TOP2B: variants seen among roughly 807,000 people sequenced by gnomAD.
TOP2B encodes the protein DNA topoisomerase II beta, also known as DNA topoisomerase 2-beta.
TOP2B carries 51 observed loss-of-function variants against 193.5 expected under a neutral mutation model. The ratio of observed to expected loss-of-function variants is 0.26; its 90% confidence interval spans 0.21 to 0.33. The LOEUF is 0.33. TOP2B is among the 10% of genes least tolerant of loss of function. The pLI, the probability that TOP2B is intolerant of heterozygous loss-of-function variation, is 1.00. For missense variants in TOP2B, 1,378 were observed against 1,909.3 expected (o/e 0.72, Z 5.19); for synonymous variants, 634 against 635.7 (o/e 1.00, Z 0.04).
chr3:25,598,336 C>CA lies in TOP2B; in HGVS notation c.4851_4852insT (p.Asp1618Ter). The CA allele has an allele frequency of 6.2e-7, 1 of 1,607,942 alleles. No individual in the cohort carries two copies. The highest frequency in any genetic ancestry group is 8.5e-7 in the Non-Finnish European group (1 of 1,176,416). On this transcript the variant is annotated frameshift_variant, in exon 36 of 36. Transcript: ENST00000264331. LOFTEE classifies it high-confidence loss of function. ...TTAAACATTGCAAAATCAACATCAT[C>CA]TTCTTCTTCATCAGACTCTGCAAAA...
At chr3:25,656,334 T>C (rs1703745267) in intron 1 of TOP2B, among the ~76,000 whole-genome samples, 1 of 152,142 alleles carries the variant, frequency 6.6e-6, no homozygotes, top group East Asian at 1.9e-4. Context: ...CATGGTGCCA[T>C]AGGCCTGTCG....
intron 10 of TOP2B, among the ~76,000 whole-genome samples, chr3:25,631,211 C>T (rs1250345273): frequency 6.6e-6 from 1 of 152,078 alleles, no homozygotes; most frequent in Non-Finnish European, 1.5e-5. Flanking sequence ...ATGCATTGCT[C>T]TTGTTACAAA....
intron 1 of TOP2B, among the ~76,000 whole-genome samples, chr3:25,663,286 T>C (rs1317686418): frequency 6.6e-6 from 1 of 152,130 alleles, no homozygotes; most frequent in Non-Finnish European, 1.5e-5. Context: ...GAAAGCTCCC[T>C]TGAGGTATTT....
intron 28 of TOP2B, 109 bp downstream of exon 28, chr3:25,612,406 A>G (rs1027299278): frequency 2.2e-5 from 17 of 789,332 alleles, no homozygotes; most frequent in Admixed American, 9.1e-5. Context: ...CCATTGAAAT[A>G]TATTTTGAAT....
At chr3:25,599,637 T>C (rs184495815) in intron 34 of TOP2B, 108 bp from the exon 35 acceptor site, 24 of 1,007,248 alleles carry the variant, frequency 2.4e-5, no homozygotes, top group Admixed American at 2.0e-4. Flanking sequence ...CAGTGGAGCA[T>C]TGCAGTCCTG....
intron 15 of TOP2B, among the ~76,000 whole-genome samples, chr3:25,627,663 C>T (rs1308091895): frequency 6.6e-6 from 1 of 152,124 alleles, no homozygotes; most frequent in Non-Finnish European, 1.5e-5. Flanking sequence ...AACCCAACTT[C>T]TTTAACAAAT....
intron 1 of TOP2B, among the ~76,000 whole-genome samples, chr3:25,662,163 T>G (rs1703935374): frequency 6.6e-6 from 1 of 152,246 alleles, no homozygotes; most frequent in African/African-American, 2.4e-5. Context: ...TTATCTCATT[T>G]CATTCTCAAT....
chr3:25,639,307 G>C (rs942334569), intron 4 of TOP2B, among the ~76,000 whole-genome samples: 1 of 152,040 alleles, frequency 6.6e-6, no homozygotes, highest in South Asian at 2.1e-4. Context: ...TGCTTTCCAC[G>C]TTTGTTTTTG....
At chr3:25,616,485 G>T (rs941227978) in intron 25 of TOP2B, among the ~76,000 whole-genome samples, 1 of 150,166 alleles carries the variant, frequency 6.7e-6, no homozygotes, top group African/African-American at 2.4e-5. Context: ...TACAGTTTAC[G>T]TGTACTTCAG....
chr3:25,635,882 A>AT, intron 7 of TOP2B, 54 bp downstream of exon 7: 1 of 1,483,990 alleles, frequency 6.7e-7, no homozygotes, highest in East Asian at 2.3e-5. Flanking sequence ...AAGACCCAAC[A>AT]ATATTCTCTC....
intron 32 of TOP2B, among the ~76,000 whole-genome samples, chr3:25,605,816 T>A (rs1028024681): frequency 5.3e-5 from 8 of 152,234 alleles, no homozygotes; most frequent in African/African-American, 1.9e-4. Context: ...GATAAGCATT[T>A]GCCTGTCCAC....
At chr3:25,620,866 C>A (rs779741846) in intron 21 of TOP2B, 50 bp from the exon 22 acceptor site, 4 of 1,585,508 alleles carry the variant, frequency 2.5e-6, no homozygotes, top group Non-Finnish European at 2.6e-6. Context: ...AGTACCAGTA[C>A]CATGAGTCTA....
chr3:25,663,415 A>C (rs1703976957), intron 1 of TOP2B, among the ~76,000 whole-genome samples: 1 of 152,206 alleles, frequency 6.6e-6, no homozygotes, highest in South Asian at 2.1e-4. Context: ...CTCTACGCTG[A>C]GCAAGTGAAA....
intron 1 of TOP2B, among the ~76,000 whole-genome samples, chr3:25,650,622 T>C (rs896631714): frequency 3.3e-5 from 5 of 152,214 alleles, no homozygotes; most frequent in African/African-American, 1.2e-4. Context: ...TCATATAGAA[T>C]TGTGGAAGCT....
chr3:25,642,867 A>T (rs1312398139), intron 3 of TOP2B, among the ~76,000 whole-genome samples: 1 of 152,184 alleles, frequency 6.6e-6, no homozygotes, highest in African/African-American at 2.4e-5. Context: ...AAAATTCTGT[A>T]TCCTAGGCAC....
At chr3:25,611,491 G>A (rs1402901306) in intron 28 of TOP2B, among the ~76,000 whole-genome samples, 5 of 152,138 alleles carry the variant, frequency 3.3e-5, no homozygotes, top group African/African-American at 9.7e-5. Context: ...TAGTAAGAAT[G>A]AGGCTATATT....
intron 1 of TOP2B, among the ~76,000 whole-genome samples, chr3:25,652,628 TGAAAAC>T (rs1400544252): frequency 8.6e-5 from 13 of 151,906 alleles, no homozygotes; most frequent in Admixed American, 3.3e-4. Flanking sequence ...AGGAGACAAA[TGAAAAC>T]CAAAACACAA....
At chr3:25,632,303 T>C in intron 10 of TOP2B, 143 bp downstream of exon 10, 2 of 685,910 alleles carry the variant, frequency 2.9e-6, no homozygotes, top group Non-Finnish European at 4.8e-6. Flanking sequence ...AGTTATCAAA[T>C]TAAGCATATT....
chr3:25,645,825 T>C (rs968732925), intron 1 of TOP2B, among the ~76,000 whole-genome samples: 1 of 152,150 alleles, frequency 6.6e-6, no homozygotes, highest in African/African-American at 2.4e-5. Flanking sequence ...AATGGTGTGA[T>C]CTTGGCTCAC....
Sources: allele counts gnomAD v4.1 joint callset (sites outside exome capture counted in the v4.1 genomes callset), GRCh38; gene constraint gnomAD v4.1.1; transcripts MANE v1.5; gene names NCBI Gene and HGNC (gene_info 2026-07-23, HGNC 2026-07-21).